Variants in PIKFYVE observed in about 807,000 individuals in gnomAD.
PIKFYVE encodes the protein phosphoinositide kinase, FYVE-type zinc finger containing, also known as 1-phosphatidylinositol 3-phosphate 5-kinase.
In PIKFYVE, 122 loss-of-function variants were observed where a neutral mutation model predicts 257.9. The ratio of observed to expected loss-of-function variants is 0.47; its 90% CI spans 0.41 to 0.55. The LOEUF (loss-of-function observed/expected upper bound fraction) is 0.55. Among genes scored for constraint, PIKFYVE ranks in the 20% least tolerant of loss-of-function variants. The pLI is 0.00. For synonymous variants in PIKFYVE, 892 were observed against 868.9 expected (o/e 1.03, Z -0.47); for missense variants, 2,160 against 2,536.6 (o/e 0.85, Z 3.19).
chr2:208,326,170 T>C lies in PIKFYVE; in HGVS notation c.3359T>C (p.Ile1120Thr). The part of the protein sequence containing the change: ...LSGLQGMNGS[I>T]QAKSIQVLPS... ...GGACTTCAGGGCATGAATGGAAGTA[T>C]TCAGGCCAAGTCTATTCAAGTCTTA... Residue 1120 changes from isoleucine to threonine, a missense_variant, in exon 20 of 42, where the codon ATT becomes ACT. Coordinates refer to ENST00000264380, the MANE Select transcript of PIKFYVE (RefSeq NM_015040.4). The C allele has an allele frequency of 6.2e-7, 1 of 1,613,650 alleles. No homozygotes were observed. Among genetic ancestry groups the C allele is most frequent in the Admixed American group, 1.7e-5 (1 of 59,942 alleles).
At chr2:208,337,292 C>T (rs754030177) in intron 28 of PIKFYVE, among the ~76,000 whole-genome samples, 14 of 152,118 alleles carry the variant, frequency 9.2e-5, no homozygotes, top group Non-Finnish European at 1.3e-4. Flanking sequence ...TTAAAATCTC[C>T]GTGCTTAAAT....
intron 1 of PIKFYVE, 121 bp downstream of exon 1, chr2:208,266,536 T>TCCGC (rs1406639694): frequency 1.3e-5 from 2 of 152,740 alleles, no homozygotes; most frequent in African/African-American, 4.8e-5. Flanking sequence ...AGTCGGGGGC[T>TCCGC]AGGGCCTGGC....
chr2:208,302,294 T>C lies in PIKFYVE; in HGVS notation c.1261T>C (p.Cys421Arg). 2 of 1,614,172 alleles carry C rather than the reference T, an allele frequency of 1.2e-6. No homozygotes were observed. Among genetic ancestry groups the C allele is most frequent in the Non-Finnish European group, 1.7e-6 (2 of 1,179,998 alleles). The stretch of plus-strand genomic sequence containing the variant: ...AATGGTTGATGGACGTTGGCTGGAT[T>C]GTGTTAGTCATCACGACCAGCTTTT... ...QAMVDGRWLD[C>R]VSHHDQLFRD... The change falls in exon 10 of 42, where the codon TGT (cysteine) becomes CGT (arginine). Residue 421 changes from cysteine to arginine, a missense_variant. Around this residue, in one of 12 missense-constraint regions of PIKFYVE, gnomAD observed 90 missense variants for 110.6 expected, o/e 0.81. Coordinates refer to ENST00000264380, the MANE Select transcript of PIKFYVE (RefSeq NM_015040.4).
At chr2:208,352,480 T>G (rs1699862190) in intron 38 of PIKFYVE, among the ~76,000 whole-genome samples, 174 bp from the exon 39 acceptor site, 1 of 152,246 alleles carries the variant, frequency 6.6e-6, no homozygotes, top group African/African-American at 2.4e-5. Flanking sequence ...ATATTTTTAT[T>G]GGCATTGCTG....
intron 23 of PIKFYVE, 42 bp downstream of exon 23, chr2:208,330,736 C>T: frequency 1.9e-6 from 3 of 1,542,670 alleles, no homozygotes; most frequent in Admixed American, 1.9e-5. Flanking sequence ...CCATTTATTT[C>T]TTTATTTGTA....
intron 31 of PIKFYVE, among the ~76,000 whole-genome samples, chr2:208,342,261 A>G (rs1427583632): frequency 1.3e-5 from 2 of 152,140 alleles, no homozygotes; most frequent in Non-Finnish European, 2.9e-5. Context: ...CTAGCTTGTA[A>G]TGGAACAAAA....
intron 32 of PIKFYVE, among the ~76,000 whole-genome samples, 154 bp from the exon 33 acceptor site, chr2:208,344,957 T>C (rs902432593): frequency 6.6e-6 from 1 of 152,148 alleles, no homozygotes; most frequent in African/African-American, 2.4e-5. Context: ...ATGAAGCTTC[T>C]ACTTGATTGC....
chr2:208,288,839 A>G, intron 7 of PIKFYVE, 21 bp downstream of exon 7: 1 of 1,612,404 alleles, frequency 6.2e-7, no homozygotes, highest in Non-Finnish European at 8.5e-7. Flanking sequence ...AAATGAAAAC[A>G]CTGTGCTCTC....
Position 208,326,292 on chromosome 2 carries a change from A to G in PIKFYVE, c.3481A>G (p.Arg1161Gly). The change falls in exon 20 of 42, where the codon AGA (arginine) becomes GGA (glycine). Residue 1161 changes from arginine to glycine, a missense_variant. Arg to Gly is a moderately radical substitution (Grantham distance 125, BLOSUM62 -2). This residue lies in a region of PIKFYVE where 522 missense variants were observed against 514.6 expected (regional missense o/e 1.01). Transcript: ENST00000264380. ...GGCCGATTATCGAGCCAGAGGAGGA[A>G]GAATTCAGCCCAAAAATTCAGACCC... ...MLADYRARGG[R>G]IQPKNSDPFA... is the part of the protein sequence containing the mutation. 1 of 1,601,358 alleles carries G rather than the reference A, an allele frequency of 6.2e-7. No individual in the cohort carries two copies. The highest frequency in any genetic ancestry group is 8.5e-7 in the Non-Finnish European group (1 of 1,173,338).
In PIKFYVE at chr2:208,298,799, G is replaced by C. The variant is rs768170186; in HGVS notation, c.1050+20G>C. The C allele has an allele frequency of 3.7e-6, 6 of 1,613,390 alleles. No individual in the cohort carries two copies. Among genetic ancestry groups the C allele is most frequent in the Non-Finnish European group, 5.1e-6 (6 of 1,179,574 alleles). ...CTTCTGGTACTGGTCCAGTATCTTT[G>C]ACCCATTGCTAGTTTTGAGCATAGA... On this transcript the variant is annotated intron_variant, in intron 8 of 41. Coordinates refer to ENST00000264380, the MANE Select transcript of PIKFYVE (RefSeq NM_015040.4).
At chr2:208,346,915 G>A (rs73983759) in intron 34 of PIKFYVE, among the ~76,000 whole-genome samples, 3,777 of 152,268 alleles carry the variant, frequency 0.025, 46 homozygotes, top group Middle Eastern at 0.037. Context: ...AGCTGCCGCT[G>A]TTCTCTTTCA....
At chr2:208,269,455 T>C in intron 1 of PIKFYVE, 1 of 252,788 alleles carries the variant, frequency 4.0e-6, no homozygotes, top group Non-Finnish European at 8.3e-6. Context: ...GGTGAGGACT[T>C]GTCTGAGCTC....
chr2:208,288,495 A>G (rs746063302), intron 6 of PIKFYVE, among the ~76,000 whole-genome samples: 13 of 152,232 alleles, frequency 8.5e-5, no homozygotes, highest in Non-Finnish European at 1.6e-4. Context: ...TACATTCCAT[A>G]TACTTAAAAA....
chr2:208,350,730 T>A, intron 36 of PIKFYVE, 41 bp from the exon 37 acceptor site: 1 of 1,604,800 alleles, frequency 6.2e-7, no homozygotes, highest in Non-Finnish European at 8.5e-7. Flanking sequence ...AGATATTTTC[T>A]GAGTCATAAA....
At chr2:208,300,698 G>GA (rs1476782787) in intron 8 of PIKFYVE, among the ~76,000 whole-genome samples, 1 of 152,118 alleles carries the variant, frequency 6.6e-6, no homozygotes. Flanking sequence ...GCCATTGACT[G>GA]AAAAAAGAAG....
At position 208,335,862 on chromosome 2, in the gene PIKFYVE, A is replaced by G. The variant is rs768459170; in HGVS notation, c.4326A>G (p.Thr1442=). 2.5e-6 allele frequency: 4 copies of G among 1,612,768 alleles called. No individual in the cohort carries two copies. The South Asian group carries it at 4.4e-5, about 18-fold the overall frequency. The change falls in exon 26 of 42, where the codon ACA becomes ACG. Residue 1442 remains threonine (T), a synonymous_variant. Coordinates refer to ENST00000264380, the MANE Select transcript of PIKFYVE (RefSeq NM_015040.4). The stretch of plus-strand genomic sequence containing the variant: ...TGAAAACTGATACATTTAGTAAAAC[A>G]AGAGAGGAAAAAATGGAAGATATTT... ...ASLKTDTFSK[T]REEKMEDIFA...
Position 208,355,772 on chromosome 2 carries a change from C to G in PIKFYVE, c.*467C>G, listed in dbSNP as rs1700127474. ...TTAATGTTACTTATTATCAGAATTT[C>G]TGAAACCTTTACAAAAATTCTGATT... On this transcript the variant is annotated 3_prime_UTR_variant, in exon 42 of 42. Coordinates refer to ENST00000264380, the MANE Select transcript of PIKFYVE (RefSeq NM_015040.4). 6.5e-6 allele frequency: 1 copy of G among 153,352 alleles called. No homozygotes were observed. Among genetic ancestry groups the G allele is most frequent in the Non-Finnish European group, 1.5e-5 (1 of 68,600 alleles). The allele number at this position is 153,352 out of a possible 1,614,324, so 9.5% of individuals were successfully genotyped here. A position where few individuals can be genotyped will look rare whatever the true frequency, so the allele number is the denominator to read the frequency against.
At chr2:208,293,328 C>G (rs942492904) in intron 7 of PIKFYVE, among the ~76,000 whole-genome samples, 2 of 152,114 alleles carry the variant, frequency 1.3e-5, no homozygotes, top group African/African-American at 4.8e-5. Context: ...GTTACATCAA[C>G]TAAGAGTAAG....
At chr2:208,273,518 C>T in intron 2 of PIKFYVE, 66 bp from the exon 3 acceptor site, 1 of 1,602,224 alleles carries the variant, frequency 6.2e-7, no homozygotes, top group Non-Finnish European at 8.5e-7. Flanking sequence ...TGAAAATTTT[C>T]ATCTACTTCC....
Sources: allele counts gnomAD v4.1 joint callset (sites outside exome capture counted in the v4.1 genomes callset), GRCh38; gene constraint gnomAD v4.1.1; regional missense constraint gnomAD v4.1.1; transcripts MANE v1.5; gene names NCBI Gene and HGNC (gene_info 2026-07-23, HGNC 2026-07-21).